The following GSK3B variants were observed in gnomAD, a reference collection of about 807,000 sequenced individuals.
The protein encoded by GSK3B is glycogen synthase kinase 3 beta.
GSK3B carries 15 observed loss-of-function variants against 56.4 expected under a neutral mutation model. The observed-to-expected ratio is 0.27, with a 90% CI of 0.18 to 0.41. The LOEUF is 0.41. GSK3B is among the 10% of genes least tolerant of loss of function. GSK3B has a pLI of 1.00. For synonymous variants in GSK3B, 181 were observed against 188.9 expected (o/e 0.96, Z 0.34); for missense variants, 300 against 513.4 (o/e 0.58, Z 4.02).
chr3:120,009,203 T>C (rs958545712), intron 1 of GSK3B, among the ~76,000 whole-genome samples: 3 of 152,116 alleles, frequency 2.0e-5, no homozygotes, highest in South Asian at 2.1e-4. Flanking sequence ...GGAGAGGTTG[T>C]GGAAAAATAG....
In GSK3B at chr3:120,044,690, T is replaced by A. The variant is rs1238606767; in HGVS notation, c.89-42451A>T. ...ATTGGATAGATTACATCTATTATAA[T>A]CAGCAGCGATTTATTAATTACACCA... is the stretch of plus-strand genomic sequence containing the variant. On this transcript the variant is annotated intron_variant, in intron 1 of 10. Coordinates refer to ENST00000264235, the MANE Select transcript of GSK3B (RefSeq NM_001146156.2). Among the ~76,000 whole-genome samples the A allele has an allele frequency of 2.0e-5, 3 of 152,320 alleles. No individual in the cohort carries two copies. In the East Asian group the frequency reaches 5.8e-4, roughly 29 times the overall value.
At chr3:119,827,129 C>T (rs1156435204) in intron 10 of GSK3B, among the ~76,000 whole-genome samples, 1 of 152,180 alleles carries the variant, frequency 6.6e-6, no homozygotes, top group African/African-American at 2.4e-5. Flanking sequence ...AAAGCTCTTG[C>T]TACAGCTGGG....
chr3:119,985,530 G>A (rs1192992600), intron 2 of GSK3B, among the ~76,000 whole-genome samples: 9 of 152,122 alleles, frequency 5.9e-5, no homozygotes, highest in African/African-American at 2.2e-4. Flanking sequence ...AGCATTCCTA[G>A]ACACCAATAA....
chr3:119,999,926 TAG>T (rs1365214246), intron 2 of GSK3B, among the ~76,000 whole-genome samples: 1 of 152,222 alleles, frequency 6.6e-6, no homozygotes, highest in East Asian at 1.9e-4. Context: ...TTTTACTTTC[TAG>T]ACTATGAAGA....
At chr3:119,884,208 G>C (rs539422527) in intron 7 of GSK3B, among the ~76,000 whole-genome samples, 1 of 152,242 alleles carries the variant, frequency 6.6e-6, no homozygotes, top group East Asian at 1.9e-4. Context: ...ACACTTAAAC[G>C]ACAGAGAAGT....
chr3:119,912,165 T>C (rs1249053017), intron 6 of GSK3B, among the ~76,000 whole-genome samples: 1 of 152,132 alleles, frequency 6.6e-6, no homozygotes, highest in East Asian at 1.9e-4. Context: ...TCAATATTGT[T>C]GTCTCTCAGG....
rs745944230 is a variant in GSK3B at position 120,093,338 on chromosome 3, A to G, written c.88+9T>C. On this transcript the variant is annotated intron_variant, in intron 1 of 10. Coordinates refer to ENST00000264235, the MANE Select transcript of GSK3B (RefSeq NM_001146156.2). ...TGGAAAAGGGGTGTAAAATAAAACCAATACTCACTGCTAACTTTCATGCTG... is the reference window on the plus strand; with the variant it reads ...TGGAAAAGGGGTGTAAAATAAAACCGATACTCACTGCTAACTTTCATGCTG... 7.6e-6 allele frequency: 12 copies of G among 1,583,606 alleles called. No individual in the cohort carries two copies. The South Asian group carries it at 1.3e-4, about 18-fold the overall frequency.
chr3:119,970,806 C>CAA (rs140430600), intron 2 of GSK3B, among the ~76,000 whole-genome samples: 89 of 149,978 alleles, frequency 5.9e-4, no homozygotes, highest in African/African-American at 1.6e-3. Context: ...AACAAACAAA[C>CAA]AAAAAAAACA....
chr3:119,839,895 T>C (rs1164915967), intron 10 of GSK3B, among the ~76,000 whole-genome samples: 2 of 152,220 alleles, frequency 1.3e-5, no homozygotes, highest in African/African-American at 4.8e-5. Flanking sequence ...TGGGGGTATA[T>C]TACTGTGGTG....
chr3:120,083,586 A>T (rs1191652791), intron 1 of GSK3B, among the ~76,000 whole-genome samples: 1 of 152,232 alleles, frequency 6.6e-6, no homozygotes, highest in Admixed American at 6.5e-5. Context: ...GTCACTTTGA[A>T]ACAGCTTAAT....
intron 1 of GSK3B, among the ~76,000 whole-genome samples, chr3:120,015,124 C>A (rs2057812328): frequency 6.6e-6 from 1 of 152,164 alleles, no homozygotes; most frequent in South Asian, 2.1e-4. Context: ...GGTTGTGACA[C>A]TTGAATAGCA....
Position 119,823,170 on chromosome 3 carries a change from C to T in GSK3B, c.*3618G>A. The T allele has an allele frequency of 4.4e-6, 1 of 229,434 alleles. No homozygotes were observed. Among genetic ancestry groups the T allele is most frequent in the Non-Finnish European group, 8.6e-6 (1 of 115,656 alleles). The allele number at this position is 229,434 out of a possible 1,614,324, so 14.2% of individuals were successfully genotyped here. On this transcript the variant is annotated 3_prime_UTR_variant, in exon 11 of 11. Transcript: ENST00000264235. Reference sequence around the variant, plus strand: ...TGGTAGTTTTTTCTTCTATTCAAGACATTTTATATGGACTACTTTGAGGCA... The same window carrying T: ...TGGTAGTTTTTTCTTCTATTCAAGATATTTTATATGGACTACTTTGAGGCA...
chr3:120,046,156 T>C (rs2058101028), intron 1 of GSK3B, among the ~76,000 whole-genome samples: 1 of 152,116 alleles, frequency 6.6e-6, no homozygotes, highest in Admixed American at 6.5e-5. Flanking sequence ...CTGGAGGCAG[T>C]AAAACTATTC....
chr3:120,061,346 T>C (rs1234732640), intron 1 of GSK3B, among the ~76,000 whole-genome samples: 1 of 152,250 alleles, frequency 6.6e-6, no homozygotes, highest in Non-Finnish European at 1.5e-5. Flanking sequence ...TTACTAAATA[T>C]TCTAGAGCAT....
chr3:120,094,106 C>T lies in GSK3B; in HGVS notation c.-672G>A. The T allele has an allele frequency of 4.3e-6, 1 of 229,902 alleles. No homozygotes were observed. The allele number at this position is 229,902 out of a possible 1,614,324, so 14.2% of individuals were successfully genotyped here. ...GAGCAGCTGCAGGCGGCGGCTGGAT[C>T]CAGCGGCCATGGCGGTGGCGGAGGC... is the stretch of plus-strand genomic sequence containing the variant. On this transcript the variant is annotated 5_prime_UTR_variant, in exon 1 of 11. It introduces an in-frame stop codon into an upstream open reading frame of the 5' UTR. Transcript: ENST00000264235.
intron 4 of GSK3B, among the ~76,000 whole-genome samples, chr3:119,920,613 G>A (rs963007944): frequency 3.3e-5 from 5 of 152,174 alleles, no homozygotes; most frequent in Admixed American, 2.6e-4. Context: ...AAACTGAGCT[G>A]TGCTTAGATC....
At chr3:119,940,944 T>C (rs2057042922) in intron 3 of GSK3B, among the ~76,000 whole-genome samples, 1 of 152,152 alleles carries the variant, frequency 6.6e-6, no homozygotes, top group South Asian at 2.1e-4. Context: ...ATGCCTGGCA[T>C]ATAGTATCTC....
intron 1 of GSK3B, among the ~76,000 whole-genome samples, chr3:120,036,312 A>G (rs1169025308): frequency 6.6e-6 from 1 of 152,258 alleles, no homozygotes; most frequent in Non-Finnish European, 1.5e-5. Flanking sequence ...ACAGAAAAAC[A>G]TAAACACTAC....
chr3:119,883,507 A>G (rs2056401563), intron 7 of GSK3B, among the ~76,000 whole-genome samples: 1 of 152,126 alleles, frequency 6.6e-6, no homozygotes, highest in Non-Finnish European at 1.5e-5. Context: ...TGTTTTCTGG[A>G]AAGGGCCAGA....
Sources: gnomAD v4.1 joint callset for allele counts (sites outside exome capture counted in the v4.1 genomes callset) on GRCh38, gnomAD v4.1.1 for gene constraint, MANE v1.5 for transcripts, NCBI Gene and HGNC (gene_info 2026-07-23, HGNC 2026-07-21) for gene names.